The following TBC1D5 variants were observed in gnomAD, a reference collection of about 807,000 sequenced individuals.
TBC1D5 encodes TBC1 domain family, member 5.
In TBC1D5, 75 loss-of-function variants were observed where a neutral mutation model predicts 100.3. The observed-to-expected ratio is 0.75, with a 90% confidence interval of 0.62 to 0.91. The LOEUF is 0.91. Ranked by LOEUF, TBC1D5 falls within the 40% of genes least tolerant of loss-of-function variation. The pLI, the probability that TBC1D5 is intolerant of heterozygous loss-of-function variation, is 0.00. For missense variants in TBC1D5, 910 were observed against 942.4 expected (o/e 0.97, Z 0.45); for synonymous variants, 323 against 325.6 (o/e 0.99, Z 0.09).
Position 17,448,788 on chromosome 3 carries a change from A to C in TBC1D5, c.98-20269T>G, listed in dbSNP as rs2094857328. Among the ~76,000 whole-genome samples the C allele has an allele frequency of 2.6e-5, 4 of 151,944 alleles. No individual in the cohort carries two copies. In the South Asian group the frequency reaches 6.2e-4, roughly 24 times the overall value. ...GAGCACAGTGAGAGGAGATTTAATT[A>C]ACTCTTAAGGGCCCTAGGATCCTCA... On this transcript the variant is annotated intron_variant, in intron 3 of 21. Coordinates refer to ENST00000253692, the Ensembl canonical transcript of TBC1D5.
At chr3:17,697,116 G>A (rs1452323393) in intron 1 of TBC1D5, among the ~76,000 whole-genome samples, 2 of 152,102 alleles carry the variant, frequency 1.3e-5, no homozygotes, top group African/African-American at 4.8e-5. Context: ...AAAATACTAA[G>A]AGCTATTTAT....
chr3:17,643,706 T>A (rs770289696), intron 1 of TBC1D5, among the ~76,000 whole-genome samples: 4 of 152,126 alleles, frequency 2.6e-5, no homozygotes, highest in Non-Finnish European at 4.4e-5. Context: ...ATAATGACCT[T>A]AACTCCCTGA....
At chr3:17,432,518 C>T (rs938825544) in intron 3 of TBC1D5, among the ~76,000 whole-genome samples, 48 of 152,096 alleles carry the variant, frequency 3.2e-4, no homozygotes, top group African/African-American at 1.2e-3. Context: ...CAGGACCACT[C>T]ATTAGATCTA....
intron 17 of TBC1D5, among the ~76,000 whole-genome samples, chr3:17,215,941 A>G (rs1248929237): frequency 1.3e-5 from 2 of 152,130 alleles, no homozygotes; most frequent in African/African-American, 4.8e-5. Flanking sequence ...TATTACACTG[A>G]CGCTTCCTCT....
intron 1 of TBC1D5, among the ~76,000 whole-genome samples, chr3:17,701,947 A>C (rs1171356106): frequency 6.6e-6 from 1 of 152,112 alleles, no homozygotes; most frequent in Non-Finnish European, 1.5e-5. Flanking sequence ...TTGGAGACCA[A>C]ATTTCAAGAG....
chr3:17,726,088 T>C (rs561586638), intron 1 of TBC1D5, among the ~76,000 whole-genome samples: 1 of 152,356 alleles, frequency 6.6e-6, no homozygotes, highest in African/African-American at 2.4e-5. Flanking sequence ...GGTGTGTATG[T>C]ACCACATTTT....
chr3:17,406,489 A>C, exon 5 of TBC1D5: 1 of 1,612,002 alleles, frequency 6.2e-7, no homozygotes. Context: ...ATTGTTGCCA[A>C]GTAATTGTTG....
chr3:17,374,388 C>A, intron 12 of TBC1D5, 83 bp downstream of exon 12: 1 of 1,323,846 alleles, frequency 7.6e-7, no homozygotes, highest in Non-Finnish European at 1.0e-6. Flanking sequence ...AGGCTATATA[C>A]TATTCTTTGG....
At chr3:17,281,396 A>G (rs1354631764) in intron 15 of TBC1D5, among the ~76,000 whole-genome samples, 2 of 152,224 alleles carry the variant, frequency 1.3e-5, no homozygotes, top group Non-Finnish European at 2.9e-5. Flanking sequence ...TGTAACTATC[A>G]GCATATGAGG....
At position 17,658,085 on chromosome 3, in the gene TBC1D5, G is replaced by A. The variant is rs1025924666; in HGVS notation, c.-100-34172C>T. Among the ~76,000 whole-genome samples the A allele has an allele frequency of 3.9e-5, 6 of 152,164 alleles. No individual in the cohort carries two copies. The East Asian group carries it at 9.6e-4, about 24-fold the overall frequency. On this transcript the variant is annotated intron_variant, in intron 1 of 21. Coordinates refer to ENST00000253692, the Ensembl canonical transcript of TBC1D5. ...ATGCTGTACAGGTTTGTAGCCAAGA[G>A]CAATGGACTACATCATATAACCTAG...
At chr3:17,530,940 C>T (rs1285391581) in intron 2 of TBC1D5, among the ~76,000 whole-genome samples, 4 of 152,192 alleles carry the variant, frequency 2.6e-5, no homozygotes, top group Non-Finnish European at 5.9e-5. Flanking sequence ...GGGATGCCCT[C>T]TCTCACCACT....
intron 1 of TBC1D5, chr3:17,646,961 C>G (rs1233577315): frequency 6.6e-6 from 1 of 152,030 alleles, no homozygotes; most frequent in Non-Finnish European, 1.5e-5. Context: ...GCATACATAC[C>G]CACTGCTTAG....
chr3:17,503,931 G>T lies in TBC1D5; in HGVS notation c.97+4543C>A, dbSNP rs530573007. ...CCATTTGGTTTTATGCAAATTCTGA[G>T]ATGGGTCATATTTAAAAGAAAACAT... is the stretch of plus-strand genomic sequence containing the variant. On this transcript the variant is annotated intron_variant, in intron 3 of 21. Coordinates refer to ENST00000253692, the Ensembl canonical transcript of TBC1D5. 2.5e-4 allele frequency among the ~76,000 whole-genome samples: 38 copies of T among 149,562 alleles called. 1 individual carries two copies. Among genetic ancestry groups the T allele is most frequent in the Non-Finnish European group, 4.9e-4 (33 of 67,908 alleles).
At chr3:17,503,798 A>G (rs2095812289) in intron 3 of TBC1D5, among the ~76,000 whole-genome samples, 2 of 149,806 alleles carry the variant, frequency 1.3e-5, no homozygotes, top group African/African-American at 5.1e-5. Flanking sequence ...TAGAAAAGTA[A>G]TAATTTATTT....
At chr3:17,471,199 C>T (rs932006144) in intron 3 of TBC1D5, among the ~76,000 whole-genome samples, 2 of 152,142 alleles carry the variant, frequency 1.3e-5, no homozygotes, top group Non-Finnish European at 2.9e-5. Flanking sequence ...GACAGGAAAA[C>T]TGGGCATACA....
chr3:17,347,502 A>G (rs2090047573), intron 13 of TBC1D5, among the ~76,000 whole-genome samples: 1 of 152,174 alleles, frequency 6.6e-6, no homozygotes, highest in Non-Finnish European at 1.5e-5. Context: ...ATTAAAAAAA[A>G]TTATTGACAA....
intron 18 of TBC1D5, among the ~76,000 whole-genome samples, chr3:17,201,899 T>C (rs940043109): frequency 1.3e-5 from 2 of 152,248 alleles, no homozygotes; most frequent in Admixed American, 6.5e-5. Context: ...AATATGAGAA[T>C]GGACTAATAC....
intron 3 of TBC1D5, among the ~76,000 whole-genome samples, chr3:17,471,093 T>C (rs980538106): frequency 6.6e-6 from 1 of 152,136 alleles, no homozygotes; most frequent in Non-Finnish European, 1.5e-5. Flanking sequence ...GTGAGAACAT[T>C]AGAACATGAA....
At chr3:17,625,060 T>C (rs530716415) in intron 1 of TBC1D5, among the ~76,000 whole-genome samples, 1 of 152,222 alleles carries the variant, frequency 6.6e-6, no homozygotes, top group East Asian at 1.9e-4. Context: ...CCTTTACTAC[T>C]AAACATTTGT....
Sources: allele counts gnomAD v4.1 joint callset (sites outside exome capture counted in the v4.1 genomes callset), GRCh38; gene constraint gnomAD v4.1.1; transcripts MANE v1.5; gene names NCBI Gene and HGNC (gene_info 2026-07-23, HGNC 2026-07-21).